The following PARD3 variants were observed in gnomAD, a reference collection of about 807,000 sequenced individuals.
PARD3 encodes the protein par-3 family cell polarity regulator, also known as partitioning defective 3 homolog.
PARD3 carries 75 observed loss-of-function variants against 155.4 expected under a neutral mutation model. That is an observed-to-expected ratio of 0.48 (90% CI 0.40 to 0.58). The LOEUF is 0.58. PARD3 is among the 20% of genes least tolerant of loss of function. The probability of loss-of-function intolerance (pLI) is 0.00; values close to 1 mark genes in which losing one functional copy is unlikely to be tolerated. For synonymous variants in PARD3, 576 were observed against 610.5 expected, an observed-to-expected ratio of 0.94 and a Z score of 0.83; for missense variants, 1,642 against 1,721.7, an observed-to-expected ratio of 0.95 and a Z score of 0.82.
At chr10:34,224,721 A>G (rs1564496850) in intron 22 of PARD3, among the ~76,000 whole-genome samples, 1 of 152,204 alleles carries the variant, frequency 6.6e-6, no homozygotes, top group Non-Finnish European at 1.5e-5. Flanking sequence ...AATGACTGGG[A>G]GTAAATAGCA....
At chr10:34,560,248 A>G (rs986028712) in intron 2 of PARD3, among the ~76,000 whole-genome samples, 1 of 152,110 alleles carries the variant, frequency 6.6e-6, no homozygotes, top group Admixed American at 6.5e-5. Context: ...ATGTTACTTT[A>G]CTCTGAATTT....
At chr10:34,116,641 T>A (rs760399905) in intron 24 of PARD3, among the ~76,000 whole-genome samples, 1 of 152,206 alleles carries the variant, frequency 6.6e-6, no homozygotes, top group Non-Finnish European at 1.5e-5. Flanking sequence ...CATTGATAAA[T>A]TGTTCTCTAA....
intron 22 of PARD3, among the ~76,000 whole-genome samples, chr10:34,162,472 T>G (rs989773257): frequency 1.6e-4 from 24 of 152,182 alleles, no homozygotes; most frequent in Admixed American, 1.5e-3. Flanking sequence ...TGAAGGAGTT[T>G]AAAAAATCCT....
intron 19 of PARD3, among the ~76,000 whole-genome samples, chr10:34,322,755 G>A (rs1958454462): frequency 6.6e-6 from 1 of 152,140 alleles, no homozygotes; most frequent in African/African-American, 2.4e-5. Flanking sequence ...AATACTCACT[G>A]AGCAATTAAA....
intron 22 of PARD3, among the ~76,000 whole-genome samples, chr10:34,145,839 A>G (rs1948480907): frequency 6.6e-6 from 1 of 152,036 alleles, no homozygotes. Context: ...GCCCTTTTAT[A>G]TTTAAGAGTG....
At chr10:34,123,465 A>G (rs1361261815) in intron 23 of PARD3, among the ~76,000 whole-genome samples, 1 of 152,150 alleles carries the variant, frequency 6.6e-6, no homozygotes, top group Non-Finnish European at 1.5e-5. Context: ...TTTTAGAGTC[A>G]GAATCTTGCT....
chr10:34,571,154 T>C (rs2086362919), intron 2 of PARD3, among the ~76,000 whole-genome samples: 2 of 151,862 alleles, frequency 1.3e-5, no homozygotes, highest in Admixed American at 1.3e-4. Context: ...CTACAAAAAA[T>C]TGTAAAAATT....
At chr10:34,797,977 G>A (rs1564629697) in intron 1 of PARD3, among the ~76,000 whole-genome samples, 1 of 152,102 alleles carries the variant, frequency 6.6e-6, no homozygotes, top group Non-Finnish European at 1.5e-5. Context: ...TCCAGCCTGG[G>A]CAACAGCACA....
chr10:34,628,301 A>C (rs1424055093), intron 2 of PARD3, among the ~76,000 whole-genome samples: 6 of 152,218 alleles, frequency 3.9e-5, no homozygotes, highest in South Asian at 2.1e-4. Context: ...TCAAGTAGTC[A>C]AATGCCAGGG....
intron 14 of PARD3, among the ~76,000 whole-genome samples, chr10:34,355,858 G>A (rs1201580808): frequency 6.9e-6 from 1 of 144,190 alleles, no homozygotes; most frequent in Non-Finnish European, 1.5e-5. Flanking sequence ...CCGGGAGGCG[G>A]AGGTTGCAGT....
At chr10:34,269,225 T>A (rs1955494227) in intron 22 of PARD3, among the ~76,000 whole-genome samples, 1 of 152,148 alleles carries the variant, frequency 6.6e-6, no homozygotes. Context: ...TAATATAAAG[T>A]TATGCTGCCT....
At chr10:34,788,535 C>T (rs1588753547) in intron 1 of PARD3, among the ~76,000 whole-genome samples, 1 of 151,862 alleles carries the variant, frequency 6.6e-6, no homozygotes, top group African/African-American at 2.4e-5. Context: ...CTGCAAACTC[C>T]GCCTCCTGGG....
intron 22 of PARD3, among the ~76,000 whole-genome samples, chr10:34,158,295 G>A (rs566843736): frequency 2.0e-5 from 3 of 152,320 alleles, no homozygotes; most frequent in African/African-American, 7.2e-5. Flanking sequence ...CCATGAGGTA[G>A]GAGACAACTT....
chr10:34,213,887 C>CT lies in PARD3; in HGVS notation c.3419+55769dup, dbSNP rs925232377. Reference sequence around the variant, plus strand: ...TGCAGGGTATCTTTTTATATTAATTCTTTTTTTTGTTTCGTTTTTAGAGAC... The same window carrying CT: ...TGCAGGGTATCTTTTTATATTAATTCTTTTTTTTTGTTTCGTTTTTAGAGAC... On this transcript the variant is annotated intron_variant, in intron 22 of 24. Coordinates refer to ENST00000374788, the MANE Select transcript of PARD3 (RefSeq NM_001184785.2). Among the ~76,000 whole-genome samples the CT allele has an allele frequency of 5.3e-5, 8 of 151,750 alleles. No individual in the cohort carries two copies. The East Asian group carries it at 9.7e-4, about 18-fold the overall frequency.
chr10:34,483,266 G>C (rs2079209431), intron 3 of PARD3, among the ~76,000 whole-genome samples: 1 of 152,136 alleles, frequency 6.6e-6, no homozygotes, highest in South Asian at 2.1e-4. Context: ...TGGATCACTT[G>C]AGCCCAGGAG....
chr10:34,378,141 T>C (rs1564645290), intron 9 of PARD3, 35 bp from the exon 10 acceptor site: 4 of 1,519,900 alleles, frequency 2.6e-6, no homozygotes, highest in Non-Finnish European at 3.5e-6. Flanking sequence ...GTAAATAAAA[T>C]GAGATATCTT....
At chr10:34,311,708 C>T (rs1341024381) in intron 20 of PARD3, among the ~76,000 whole-genome samples, 1 of 152,142 alleles carries the variant, frequency 6.6e-6, no homozygotes, top group African/African-American at 2.4e-5. Context: ...CTGGTTCAGC[C>T]ATCTAAGCAC....
At chr10:34,729,971 C>T (rs557467821) in intron 1 of PARD3, among the ~76,000 whole-genome samples, 1 of 152,254 alleles carries the variant, frequency 6.6e-6, no homozygotes, top group South Asian at 2.1e-4. Flanking sequence ...GGGCTTTCAA[C>T]AATGTGCTTT....
intron 1 of PARD3, among the ~76,000 whole-genome samples, chr10:34,762,840 T>G (rs1223017498): frequency 2.6e-5 from 4 of 152,184 alleles, no homozygotes; most frequent in Non-Finnish European, 4.4e-5. Flanking sequence ...CCAGCAAACC[T>G]ACCAGCTACC....
Sources: allele counts gnomAD v4.1 joint callset (sites outside exome capture counted in the v4.1 genomes callset), GRCh38; gene constraint gnomAD v4.1.1; transcripts MANE v1.5; gene names NCBI Gene and HGNC (gene_info 2026-07-23, HGNC 2026-07-21).